Variants in PIK3C3 observed in about 807,000 individuals in gnomAD.
PIK3C3 encodes the protein PI3-kinase type 3.
A neutral mutation model predicts 126.1 loss-of-function variants in PIK3C3; 95 were observed. The ratio of observed to expected loss-of-function variants is 0.75; its 90% confidence interval spans 0.64 to 0.89. The LOEUF (loss-of-function observed/expected upper bound fraction) is 0.89, where lower values mean the gene tolerates loss of function less well. Ranked by LOEUF, PIK3C3 falls within the 40% of genes least tolerant of loss-of-function variation. The pLI is 0.00. For synonymous variants in PIK3C3, 374 were observed against 360.0 expected (o/e 1.04, Z -0.44); for missense variants, 829 against 1,063.2 (o/e 0.78, Z 3.06).
At position 41,979,990 on chromosome 18, in the gene PIK3C3, G is replaced by A. The variant is rs923478570; in HGVS notation, c.532-7822G>A. Among the ~76,000 whole-genome samples the A allele has an allele frequency of 3.3e-5, 5 of 151,918 alleles. No homozygotes were observed. In the East Asian group the frequency reaches 9.7e-4, roughly 29 times the overall value. ...ATTAAGTGTACTTCTCCTGGATTCT[G>A]AATACACTTCCTTCCGCCTTGAATA... On this transcript the variant is annotated intron_variant, in intron 4 of 24. Coordinates refer to ENST00000262039, the MANE Select transcript of PIK3C3 (RefSeq NM_002647.4).
At chr18:42,007,383 T>G (rs1211492966) in intron 10 of PIK3C3, among the ~76,000 whole-genome samples, 10 of 152,136 alleles carry the variant, frequency 6.6e-5, no homozygotes, top group Non-Finnish European at 2.9e-5. Context: ...TTTTTACATT[T>G]GTTCTTTCCA....
intron 20 of PIK3C3, among the ~76,000 whole-genome samples, chr18:42,047,532 G>C (rs1238736964): frequency 6.6e-6 from 1 of 152,176 alleles, no homozygotes; most frequent in Admixed American, 6.5e-5. Context: ...GCTACTTAAA[G>C]TGTGATCTGT....
intron 11 of PIK3C3, 115 bp from the exon 12 acceptor site, chr18:42,015,361 A>G: frequency 1.4e-6 from 1 of 740,254 alleles, no homozygotes; most frequent in South Asian, 1.6e-5. Context: ...AACACACTTT[A>G]GGAAGTGTTG....
chr18:42,025,540 A>C (rs1352398515), intron 13 of PIK3C3: 2 of 152,182 alleles, frequency 1.3e-5, no homozygotes, highest in Non-Finnish European at 2.9e-5. Flanking sequence ...TTTTGAGAAA[A>C]TTTGGAGTTT....
intron 9 of PIK3C3, among the ~76,000 whole-genome samples, chr18:42,000,904 T>TGGG (rs1982257516): frequency 6.6e-6 from 1 of 152,116 alleles, no homozygotes; most frequent in Non-Finnish European, 1.5e-5. Flanking sequence ...AAGATGAGAT[T>TGGG]TGGGTGGGGA....
intron 12 of PIK3C3, among the ~76,000 whole-genome samples, chr18:42,016,271 T>C (rs981304888): frequency 1.1e-4 from 17 of 152,182 alleles, no homozygotes; most frequent in African/African-American, 3.9e-4. Flanking sequence ...AAAGTTTGTA[T>C]GTTTGCATAT....
intron 13 of PIK3C3, among the ~76,000 whole-genome samples, chr18:42,022,071 G>A (rs1983349001): frequency 6.6e-6 from 1 of 152,174 alleles, no homozygotes. Context: ...ACTCTCCAGA[G>A]GTAATGCTCT....
chr18:41,961,930 A>T (rs1042057365), intron 2 of PIK3C3, among the ~76,000 whole-genome samples: 1 of 152,216 alleles, frequency 6.6e-6, no homozygotes. Flanking sequence ...TAATGTTATC[A>T]GTATTAATGA....
At chr18:42,049,848 C>T in intron 21 of PIK3C3, 1 of 307,622 alleles carries the variant, frequency 3.3e-6, no homozygotes, top group Non-Finnish European at 6.2e-6. Flanking sequence ...TGGTACATGC[C>T]TGTAATCCCA....
intron 21 of PIK3C3, chr18:42,051,255 G>A (rs538764327): frequency 6.6e-6 from 1 of 152,308 alleles, no homozygotes; most frequent in South Asian, 2.1e-4. Context: ...ACACCACCTA[G>A]CTAAAGTGTT....
chr18:42,033,801 A>C (rs1201307753), intron 15 of PIK3C3, 25 bp from the exon 16 acceptor site: 1 of 1,555,778 alleles, frequency 6.4e-7, no homozygotes, highest in Non-Finnish European at 8.7e-7. Flanking sequence ...TTTTAACCTC[A>C]TTAATCCTTT....
chr18:41,984,453 T>TA (rs1056742314), intron 4 of PIK3C3, among the ~76,000 whole-genome samples: 17 of 151,902 alleles, frequency 1.1e-4, no homozygotes, highest in Non-Finnish European at 2.9e-5. Flanking sequence ...ATAAAATTAA[T>TA]AAAAAAATTT....
chr18:42,040,104 A>ACTTATCAGACTGACTTTTTCTC (rs1984238591), intron 18 of PIK3C3, among the ~76,000 whole-genome samples: 3 of 146,456 alleles, frequency 2.0e-5, no homozygotes, highest in African/African-American at 7.6e-5. Flanking sequence ...TTGTCTTCAG[A>ACTTATCAGACTGACTTTTTCTC]CTTATCAGAC....
chr18:42,073,797 A>T (rs908376489), intron 24 of PIK3C3, among the ~76,000 whole-genome samples: 2 of 150,622 alleles, frequency 1.3e-5, no homozygotes, highest in Non-Finnish European at 1.5e-5. Context: ...GTGTAGAGTG[A>T]TTTCACTTTA....
At chr18:42,061,955 T>TG (rs1340111756) in intron 22 of PIK3C3, among the ~76,000 whole-genome samples, 1 of 151,964 alleles carries the variant, frequency 6.6e-6, no homozygotes, top group Admixed American at 6.6e-5. Flanking sequence ...TAGAATCACC[T>TG]GGGGAGCTTG....
In PIK3C3 at chr18:42,027,947, T is replaced by C. The variant is rs186769948; in HGVS notation, c.1590+399T>C. On this transcript the variant is annotated intron_variant, in intron 14 of 24. Transcript: ENST00000262039. ...CTGGCATTACAGGCGTGAGCCACTA[T>C]ACCTGGCCTGGTTTAGCGGTTGAAA... Among the ~76,000 whole-genome samples the C allele has an allele frequency of 2.2e-3, 336 of 152,256 alleles. 1 individual carries two copies. Among genetic ancestry groups the C allele is most frequent in the African/African-American group, 7.5e-3 (310 of 41,558 alleles).
At chr18:42,068,949 C>CAAAAA (rs35657662) in intron 24 of PIK3C3, among the ~76,000 whole-genome samples, 2 of 82,228 alleles carry the variant, frequency 2.4e-5, no homozygotes, top group Non-Finnish European at 4.8e-5. Flanking sequence ...GACTCCGTCT[C>CAAAAA]AAAAAAAAAA....
chr18:41,957,557 C>A lies in PIK3C3; in HGVS notation c.69-13C>A. The A allele has an allele frequency of 6.2e-7, 1 of 1,603,296 alleles. No individual in the cohort carries two copies. The highest frequency in any genetic ancestry group is 1.1e-5 in the South Asian group (1 of 89,268). On this transcript the variant is annotated splice_polypyrimidine_tract_variant and intron_variant, in intron 1 of 24. Transcript: ENST00000262039. The stretch of plus-strand genomic sequence containing the variant: ...AATTCATGTCTGAAACATTGTTGGT[C>A]TTGTGCTTTCAGAGGAAGCTTGGAA...
At chr18:42,070,702 T>C (rs1985738064) in intron 24 of PIK3C3, among the ~76,000 whole-genome samples, 1 of 152,168 alleles carries the variant, frequency 6.6e-6, no homozygotes, top group Admixed American at 6.5e-5. Context: ...AAAGGTTAAT[T>C]GCTTTATAAA....
Sources: allele counts gnomAD v4.1 joint callset (sites outside exome capture counted in the v4.1 genomes callset), GRCh38; gene constraint gnomAD v4.1.1; transcripts MANE v1.5; gene names NCBI Gene and HGNC (gene_info 2026-07-23, HGNC 2026-07-21).